The following CAMK2G variants were observed in gnomAD, a reference collection of about 807,000 sequenced individuals.
CAMK2G encodes calcium/calmodulin dependent protein kinase II gamma, also known as calcium/calmodulin-dependent protein kinase type II subunit gamma.
CAMK2G carries 23 observed loss-of-function variants against 88.7 expected under a neutral mutation model. The observed-to-expected ratio is 0.26, with a 90% CI of 0.19 to 0.37. The LOEUF (loss-of-function observed/expected upper bound fraction) is 0.37, where lower values mean the gene tolerates loss of function less well. Among genes scored for constraint, CAMK2G ranks in the 10% least tolerant of loss-of-function variants. The pLI, the probability that CAMK2G is intolerant of heterozygous loss-of-function variation, is 1.00. For synonymous variants in CAMK2G, 263 were observed against 294.8 expected (o/e 0.89, Z 1.11); for missense variants, 476 against 780.8 (o/e 0.61, Z 4.65).
chr10:73,858,139 A>G (rs1451661104), intron 3 of CAMK2G, among the ~76,000 whole-genome samples: 1 of 152,198 alleles, frequency 6.6e-6, no homozygotes, highest in South Asian at 2.1e-4. Flanking sequence ...GGGACAGAAT[A>G]TCTAGCTATT....
At chr10:73,827,879 C>T (rs975607686) in intron 15 of CAMK2G, among the ~76,000 whole-genome samples, 1 of 152,242 alleles carries the variant, frequency 6.6e-6, no homozygotes, top group African/African-American at 2.4e-5. Flanking sequence ...CAGGGGGTGC[C>T]GTACCACCCC....
intron 14 of CAMK2G, among the ~76,000 whole-genome samples, chr10:73,836,587 G>A (rs1156741887): frequency 6.6e-6 from 1 of 152,172 alleles, no homozygotes; most frequent in East Asian, 1.9e-4. Context: ...GAAAGAGGAG[G>A]GAGTGGGGAG....
chr10:73,836,144 A>G (rs1024212937), intron 14 of CAMK2G, among the ~76,000 whole-genome samples: 1 of 152,178 alleles, frequency 6.6e-6, no homozygotes, highest in African/African-American at 2.4e-5. Flanking sequence ...CATATTTTCA[A>G]TTTAAAGAAA....
intron 2 of CAMK2G, among the ~76,000 whole-genome samples, 183 bp downstream of exon 2, chr10:73,872,806 C>T (rs575661326): frequency 2.6e-5 from 4 of 152,280 alleles, no homozygotes; most frequent in African/African-American, 7.2e-5. Flanking sequence ...TGTACCTGGG[C>T]GCTTCCAGTC....
intron 1 of CAMK2G, among the ~76,000 whole-genome samples, chr10:73,873,977 C>T (rs2095971055): frequency 6.6e-6 from 1 of 150,692 alleles, no homozygotes; most frequent in South Asian, 2.1e-4. Context: ...CCCCCCCACG[C>T]CCGGGCTCCG....
intron 3 of CAMK2G, among the ~76,000 whole-genome samples, chr10:73,857,579 G>C (rs556751097): frequency 6.6e-6 from 1 of 152,174 alleles, no homozygotes; most frequent in Non-Finnish European, 1.5e-5. Context: ...TGATCCCTGC[G>C]TGAGTCATAA....
intron 15 of CAMK2G, among the ~76,000 whole-genome samples, chr10:73,826,777 C>T (rs1415408767): frequency 6.6e-6 from 1 of 152,210 alleles, no homozygotes; most frequent in Non-Finnish European, 1.5e-5. Context: ...TCCTGACTGT[C>T]CTACTTCTTG....
chr10:73,842,503 C>G lies in CAMK2G; in HGVS notation c.858G>C (p.Glu286Asp). The stretch of plus-strand genomic sequence containing the variant: ...TGAACTTGCGCAAACACTCCACAGT[C>G]TCCTGACGATGCATCATGGATGCCA... ...STVASMMHRQETVECLRKFNA... is the reference protein window; with the variant it reads ...STVASMMHRQDTVECLRKFNA... Residue 286 changes from glutamate to aspartate, a missense_variant, in exon 11 of 23, where the codon GAG (glutamate) becomes GAC (aspartate). Glu to Asp is a conservative substitution (Grantham distance 45, BLOSUM62 2). Transcript: ENST00000423381. This position sits in a 1 kb window ranked among gnomAD's most constrained non-coding sequence, Gnocchi z 4.6. 7 of 1,614,034 alleles carry G rather than the reference C, an allele frequency of 4.3e-6. No homozygotes were observed. The highest frequency in any genetic ancestry group is 5.9e-6 in the Non-Finnish European group (7 of 1,179,886).
chr10:73,824,297 TAAGA>T (rs1430733463), intron 16 of CAMK2G, among the ~76,000 whole-genome samples: 6 of 152,190 alleles, frequency 3.9e-5, no homozygotes, highest in South Asian at 2.1e-4. Flanking sequence ...ACTGGGCTGG[TAAGA>T]AAGAGAGGCC....
chr10:73,817,997 C>G (rs1012887597), intron 19 of CAMK2G, among the ~76,000 whole-genome samples: 3 of 152,188 alleles, frequency 2.0e-5, no homozygotes, highest in African/African-American at 4.8e-5. Flanking sequence ...TCACCACCCC[C>G]ACTCGTAGCC....
chr10:73,836,327 C>A (rs943887093), intron 14 of CAMK2G, among the ~76,000 whole-genome samples: 3 of 152,134 alleles, frequency 2.0e-5, no homozygotes, highest in African/African-American at 7.2e-5. Context: ...AAAGCCACAC[C>A]CCCTCTTACA....
chr10:73,841,489 AG>A (rs2093782995), intron 12 of CAMK2G, among the ~76,000 whole-genome samples: 1 of 143,672 alleles, frequency 7.0e-6, no homozygotes, highest in African/African-American at 2.5e-5. Flanking sequence ...GGTTGGGGTG[AG>A]GGTGGGGGCA....
Position 73,842,055 on chromosome 10 carries a change from G to A in CAMK2G, c.946+114C>T. Reference sequence around the variant, plus strand: ...TCAAAACAGGATCCTCACTCGCCCTGGTCAAGGTGTGGCCCAGGACGCCGA... The same window carrying A: ...TCAAAACAGGATCCTCACTCGCCCTAGTCAAGGTGTGGCCCAGGACGCCGA... On this transcript the variant is annotated intron_variant, in intron 12 of 22. Transcript: ENST00000423381. The surrounding 1 kb of genome is among the most constrained non-coding windows in gnomAD (Gnocchi z 4.6). 1.2e-6 allele frequency: 1 copy of A among 819,926 alleles called. No homozygotes were observed. Among genetic ancestry groups the A allele is most frequent in the South Asian group, 1.4e-5 (1 of 72,934 alleles). The allele number at this position is 819,926 out of a possible 1,614,324, so 50.8% of individuals were successfully genotyped here.
At chr10:73,858,993 C>T (rs1231619323) in intron 3 of CAMK2G, among the ~76,000 whole-genome samples, 5 of 152,262 alleles carry the variant, frequency 3.3e-5, no homozygotes, top group Non-Finnish European at 7.3e-5. Context: ...TGACCCCTAG[C>T]TGCTGTTCTC....
At chr10:73,861,239 G>C (rs183979994) in intron 2 of CAMK2G, among the ~76,000 whole-genome samples, 12 of 152,314 alleles carry the variant, frequency 7.9e-5, no homozygotes, top group African/African-American at 2.9e-4. Context: ...AATGACTTGA[G>C]GGTTTGCACA....
At chr10:73,818,006 C>T (rs970672210) in intron 19 of CAMK2G, among the ~76,000 whole-genome samples, 1 of 152,174 alleles carries the variant, frequency 6.6e-6, no homozygotes, top group Non-Finnish European at 1.5e-5. Context: ...CCACTCGTAG[C>T]CCTCATTCAG....
In CAMK2G at chr10:73,830,080, C is replaced by T. The variant is rs144255212; in HGVS notation, c.1054-1959G>A. ...TTTTGACTAATGGGGAATAAGTTCT[C>T]AGCCTTCTCCTGGCTTGCTCTCTTT... On this transcript the variant is annotated intron_variant, in intron 14 of 22. Coordinates refer to ENST00000423381, the MANE Select transcript of CAMK2G (RefSeq NM_001367534.1). Among the ~76,000 whole-genome samples the T allele has an allele frequency of 1.1e-4, 16 of 152,294 alleles. No homozygotes were observed. The East Asian group carries it at 2.9e-3, about 28-fold the overall frequency.
At chr10:73,817,448 A>G (rs1246431810) in intron 20 of CAMK2G, 31 bp downstream of exon 20, 27 of 1,443,820 alleles carry the variant, frequency 1.9e-5, no homozygotes, top group Non-Finnish European at 2.5e-5. Flanking sequence ...GAGATGACTT[A>G]GGTCACAAAA....
rs2094045313 is a variant in CAMK2G, at chr10:73,844,199, TC to T, written c.820-1659del. 2.0e-5 allele frequency among the ~76,000 whole-genome samples: 3 copies of T among 151,780 alleles called. No homozygotes were observed. In the South Asian group the frequency reaches 6.3e-4, roughly 32 times the overall value. ...CCTCCACCTCTCTAGGCTCAGGTGATCCTCTCATCTCAGCCTCCCAAGTAGC... is the reference window on the plus strand; with the variant it reads ...CCTCCACCTCTCTAGGCTCAGGTGATCTCTCATCTCAGCCTCCCAAGTAGC... On this transcript the variant is annotated intron_variant, in intron 10 of 22. Coordinates refer to ENST00000423381, the MANE Select transcript of CAMK2G (RefSeq NM_001367534.1).
Sources: allele counts gnomAD v4.1 joint callset (sites outside exome capture counted in the v4.1 genomes callset), GRCh38; gene constraint gnomAD v4.1.1; non-coding constraint Gnocchi (gnomAD v3.1); transcripts MANE v1.5; gene names NCBI Gene and HGNC (gene_info 2026-07-23, HGNC 2026-07-21).